PPP3CA: variants seen among roughly 807,000 people sequenced by gnomAD.
The protein encoded by PPP3CA is CAM-PRP catalytic subunit.
In PPP3CA, 14 loss-of-function variants were observed where a neutral mutation model predicts 66.5. The observed-to-expected ratio is 0.21, with a 90% CI of 0.14 to 0.33. The LOEUF is 0.33. PPP3CA is among the 10% of genes least tolerant of loss of function. The pLI is 1.00. For missense variants in PPP3CA, 317 were observed against 639.5 expected, an observed-to-expected ratio of 0.50 and a Z score of 5.44; for synonymous variants, 232 against 226.2, an observed-to-expected ratio of 1.03 and a Z score of -0.23.
rs974154144 is a variant in PPP3CA, at chr4:101,146,882, T to C, written c.260-37804A>G. ...TTTGGAATATCTGCATTATACTTAT[T>C]GGTTCAGCAGCCCTAAGCATTTCCT... On this transcript the variant is annotated intron_variant, in intron 2 of 13. Coordinates refer to ENST00000394854, the MANE Select transcript of PPP3CA (RefSeq NM_000944.5). Among the ~76,000 whole-genome samples the C allele has an allele frequency of 1.1e-4, 16 of 152,222 alleles. 1 individual carries two copies. Among genetic ancestry groups the C allele is most frequent in the Non-Finnish European group, 2.9e-5 (2 of 68,042 alleles).
intron 6 of PPP3CA, among the ~76,000 whole-genome samples, chr4:101,088,584 C>CA (rs1174497803): frequency 0.11 from 3,608 of 34,282 alleles, 330 homozygotes; most frequent in African/African-American, 0.2. Context: ...GACTCCATCT[C>CA]AAAAAAAAAA....
chr4:101,299,018 A>G (rs1728286456), intron 1 of PPP3CA, among the ~76,000 whole-genome samples: 2 of 151,804 alleles, frequency 1.3e-5, no homozygotes, highest in Non-Finnish European at 2.9e-5. Context: ...TTATTTCCCC[A>G]TAGAAAACTA....
chr4:101,132,890 G>C (rs1578479724), intron 2 of PPP3CA, among the ~76,000 whole-genome samples: 1 of 152,232 alleles, frequency 6.6e-6, no homozygotes, highest in Non-Finnish European at 1.5e-5. Context: ...ACATCAAAAA[G>C]CTTATCCACC....
At chr4:101,307,233 G>A (rs747219533) in intron 1 of PPP3CA, among the ~76,000 whole-genome samples, 3 of 150,230 alleles carry the variant, frequency 2.0e-5, no homozygotes, top group South Asian at 2.1e-4. Context: ...CCTACCTTAC[G>A]TGGAAAACCT....
chr4:101,081,679 A>T (rs1412959244), intron 7 of PPP3CA, among the ~76,000 whole-genome samples: 1 of 152,216 alleles, frequency 6.6e-6, no homozygotes, highest in Non-Finnish European at 1.5e-5. Context: ...CTCAAAAAGT[A>T]TCTTTAGATA....
At chr4:101,124,043 TC>T (rs1722119286) in intron 2 of PPP3CA, among the ~76,000 whole-genome samples, 1 of 152,216 alleles carries the variant, frequency 6.6e-6, no homozygotes, top group African/African-American at 2.4e-5. Context: ...ATTAGAACTA[TC>T]CCCTTAATAA....
chr4:101,325,652 C>T (rs1729184144), intron 1 of PPP3CA, among the ~76,000 whole-genome samples: 1 of 152,032 alleles, frequency 6.6e-6, no homozygotes, highest in African/African-American at 2.4e-5. Context: ...AAATGAGTGG[C>T]AAATGACGGC....
At chr4:101,062,579 C>A (rs1235926931) in intron 9 of PPP3CA, among the ~76,000 whole-genome samples, 4 of 151,832 alleles carry the variant, frequency 2.6e-5, no homozygotes, top group African/African-American at 9.7e-5. Flanking sequence ...GCAGACATTT[C>A]CCCAAAATTT....
chr4:101,166,781 A>G (rs566013441), intron 2 of PPP3CA, among the ~76,000 whole-genome samples: 2 of 152,304 alleles, frequency 1.3e-5, no homozygotes, highest in East Asian at 1.9e-4. Flanking sequence ...ATGAAGACCC[A>G]TTTGTTGGTT....
At chr4:101,126,152 A>G (rs962048302) in intron 2 of PPP3CA, among the ~76,000 whole-genome samples, 1 of 152,234 alleles carries the variant, frequency 6.6e-6, no homozygotes, top group Non-Finnish European at 1.5e-5. Context: ...AAATCTTACA[A>G]TGTAAAAATT....
chr4:101,240,735 T>TA (rs910682246), intron 1 of PPP3CA: 1 of 151,992 alleles, frequency 6.6e-6, no homozygotes, highest in Non-Finnish European at 1.5e-5. Context: ...TCTAAAAATT[T>TA]AAAAAAATAA....
chr4:101,045,696 C>G (rs774065119), intron 10 of PPP3CA, among the ~76,000 whole-genome samples: 1 of 152,106 alleles, frequency 6.6e-6, no homozygotes, highest in Non-Finnish European at 1.5e-5. Context: ...AATGCCTGGT[C>G]TAACCTGTAA....
rs1725082544 is a variant in PPP3CA, at chr4:101,204,849, T to A, written c.59-8733A>T. Among the ~76,000 whole-genome samples, 6 of 151,464 alleles carry A rather than the reference T, an allele frequency of 4.0e-5. No homozygotes were observed. The South Asian group carries it at 8.4e-4, about 21-fold the overall frequency. ...ATGTTTAAGTCAAATACTTAAAAAA[T>A]TTAAATATATAATTGAAGAATTGTT... is the stretch of plus-strand genomic sequence containing the variant. On this transcript the variant is annotated intron_variant, in intron 1 of 13. Coordinates refer to ENST00000394854, the MANE Select transcript of PPP3CA (RefSeq NM_000944.5).
At chr4:101,312,414 AAACATT>A (rs1560712243) in intron 1 of PPP3CA, among the ~76,000 whole-genome samples, 1 of 152,104 alleles carries the variant, frequency 6.6e-6, no homozygotes, top group East Asian at 1.9e-4. Context: ...GGAACTTATT[AAACATT>A]ATTTTTTATT....
At chr4:101,294,889 TA>T (rs1430864513) in intron 1 of PPP3CA, among the ~76,000 whole-genome samples, 1 of 152,110 alleles carries the variant, frequency 6.6e-6, no homozygotes, top group African/African-American at 2.4e-5. Context: ...TAAAATAATT[TA>T]AATAGTCATG....
intron 1 of PPP3CA, among the ~76,000 whole-genome samples, chr4:101,336,169 C>T (rs967403572): frequency 6.6e-6 from 1 of 151,596 alleles, no homozygotes; most frequent in Non-Finnish European, 1.5e-5. Context: ...GAGCCAAGAT[C>T]ACACCACTGG....
At chr4:101,198,678 G>A (rs997726682) in intron 1 of PPP3CA, among the ~76,000 whole-genome samples, 3 of 152,128 alleles carry the variant, frequency 2.0e-5, no homozygotes, top group Admixed American at 2.0e-4. Flanking sequence ...GAAGGTGAGA[G>A]GCAACAGGAG....
At chr4:101,154,477 GA>G (rs1282758642) in intron 2 of PPP3CA, among the ~76,000 whole-genome samples, 5 of 152,060 alleles carry the variant, frequency 3.3e-5, no homozygotes, top group Non-Finnish European at 5.9e-5. Context: ...GTGGGATAAA[GA>G]AAAAAATCTA....
chr4:101,260,366 G>C (rs1177711225), intron 1 of PPP3CA, among the ~76,000 whole-genome samples: 1 of 152,000 alleles, frequency 6.6e-6, no homozygotes, highest in Non-Finnish European at 1.5e-5. Flanking sequence ...AGAACACTTC[G>C]TAATCAAAAC....
Sources: gnomAD v4.1 joint callset for allele counts (sites outside exome capture counted in the v4.1 genomes callset) on GRCh38, gnomAD v4.1.1 for gene constraint, MANE v1.5 for transcripts, NCBI Gene and HGNC (gene_info 2026-07-23, HGNC 2026-07-21) for gene names.